TCFL5: variants seen among roughly 807,000 people sequenced by gnomAD.
The protein encoded by TCFL5 is transcription factor-like 5 protein.
TCFL5 carries 9 observed loss-of-function variants against 44.3 expected under a neutral mutation model. The ratio of observed to expected loss-of-function variants is 0.20; its 90% CI spans 0.12 to 0.35. The LOEUF (loss-of-function observed/expected upper bound fraction) is 0.35. Among genes scored for constraint, TCFL5 ranks in the 10% least tolerant of loss-of-function variants. The pLI is 1.00. For synonymous variants in TCFL5, 319 were observed against 271.6 expected (o/e 1.17, Z -1.72); for missense variants, 603 against 613.4 (o/e 0.98, Z 0.18).
At chr20:62,854,921 G>GA (rs1460664368) in intron 4 of TCFL5, among the ~76,000 whole-genome samples, 3 of 152,166 alleles carry the variant, frequency 2.0e-5, no homozygotes, top group Non-Finnish European at 4.4e-5. Context: ...GACATTGAGC[G>GA]AAACACTCTT....
chr20:62,853,955 G>T, intron 5 of TCFL5, 61 bp downstream of exon 5: 1 of 1,572,710 alleles, frequency 6.4e-7, no homozygotes, highest in Non-Finnish European at 8.7e-7. Context: ...TTAGGAAAAA[G>T]GAGGGACATT....
intron 5 of TCFL5, chr20:62,845,987 G>A (rs1466023849): frequency 1.4e-6 from 2 of 1,413,492 alleles, no homozygotes; most frequent in Non-Finnish European, 1.9e-6. Flanking sequence ...AAAGCTCCTG[G>A]CTTCGTGGAG....
chr20:62,858,465 T>C (rs1485021377), intron 3 of TCFL5, among the ~76,000 whole-genome samples: 3 of 152,242 alleles, frequency 2.0e-5, no homozygotes, highest in Non-Finnish European at 4.4e-5. Flanking sequence ...AATGTGAACA[T>C]ATACTTTGGC....
rs746287595 is a variant in TCFL5, at chr20:62,859,355, A to C, written c.994+9T>G. On this transcript the variant is annotated intron_variant, in intron 3 of 5. Transcript: ENST00000335351. ...GAAAGCTCCCACTACCTGCTGCTTC[A>C]TCGCTTACCTCCCACTTTAATCCAA... is the stretch of plus-strand genomic sequence containing the variant. The C allele has an allele frequency of 6.9e-6, 11 of 1,600,090 alleles. No individual in the cohort carries two copies. Among genetic ancestry groups the C allele is most frequent in the Non-Finnish European group, 9.4e-6 (11 of 1,170,628 alleles).
intron 3 of TCFL5, among the ~76,000 whole-genome samples, chr20:62,858,908 T>G (rs1436734432): frequency 2.0e-5 from 3 of 152,108 alleles, no homozygotes; most frequent in African/African-American, 2.4e-5. Context: ...CAGCAGTGAC[T>G]TTATTTCCAA....
chr20:62,849,461 TG>T lies in TCFL5; in HGVS notation c.1380+4554del, dbSNP rs940339020. ...GCCTCAATGCCATAGTTAATAACTG[TG>T]GGGGGGATTCTTGTAGCTCAAAGAG... On this transcript the variant is annotated intron_variant, in intron 5 of 5. Coordinates refer to ENST00000335351, the MANE Select transcript of TCFL5 (RefSeq NM_006602.4). Among the ~76,000 whole-genome samples, 12 of 152,110 alleles carry T rather than the reference TG, an allele frequency of 7.9e-5. No homozygotes were observed. In the East Asian group the frequency reaches 1.4e-3, roughly 17 times the overall value.
intron 5 of TCFL5, chr20:62,844,730 G>A (rs1205341025): frequency 3.8e-6 from 1 of 262,264 alleles, no homozygotes; most frequent in African/African-American, 2.3e-5. Context: ...TGAATAGCTG[G>A]GATTACAGGC....
intron 5 of TCFL5, among the ~76,000 whole-genome samples, chr20:62,851,114 C>T (rs6062709): frequency 0.13 from 19,774 of 152,196 alleles, 1,766 homozygotes; most frequent in Non-Finnish European, 0.19. Flanking sequence ...TCATGTATTA[C>T]GTCTTCAAGG....
chr20:62,855,697 C>T (rs989613609), intron 4 of TCFL5, among the ~76,000 whole-genome samples: 2 of 151,842 alleles, frequency 1.3e-5, no homozygotes, highest in African/African-American at 2.4e-5. Flanking sequence ...ACCTGGGAGG[C>T]GAAGGTTGCG....
chr20:62,860,872 G>A (rs1349774864), intron 1 of TCFL5, 152 bp downstream of exon 1: 10 of 553,964 alleles, frequency 1.8e-5, no homozygotes, highest in Non-Finnish European at 2.3e-5. Flanking sequence ...CTTTCGGGGC[G>A]GCCCCAGACC....
chr20:62,856,533 T>C (rs903371019), intron 4 of TCFL5, among the ~76,000 whole-genome samples: 3 of 150,368 alleles, frequency 2.0e-5, no homozygotes, highest in Non-Finnish European at 4.4e-5. Context: ...TGAAACCCCG[T>C]CTCTACTAAA....
chr20:62,861,638 C>T lies in TCFL5; in HGVS notation c.33G>A (p.Pro11=), dbSNP rs1024583449. The T allele has an allele frequency of 2.4e-4, 238 of 979,358 alleles. 1 individual carries two copies. In the African/African-American group the frequency reaches 3.4e-3, roughly 14 times the overall value. 60.7% of individuals were successfully genotyped at this position (979,358 alleles called of 1,614,324 possible). The part of the protein sequence containing the change: MSGPGPREPP[P]EAGAAGGEAA... ...CCTCGCCGCCTGCCGCGCCTGCCTC[C>T]GGCGGCGGCTCCCGCGGTCCGGGGC... Residue 11 remains proline (P), a synonymous_variant, in exon 1 of 6, where the codon CCG becomes CCA. Transcript: ENST00000335351. This position sits in a 1 kb window ranked among gnomAD's most constrained non-coding sequence, Gnocchi z 4.0.
intron 5 of TCFL5, among the ~76,000 whole-genome samples, chr20:62,844,154 C>A (rs776250899): frequency 6.6e-6 from 1 of 152,218 alleles, no homozygotes; most frequent in Non-Finnish European, 1.5e-5. Flanking sequence ...ATACTGTCTT[C>A]CACAGTGGCT....
At chr20:62,855,888 G>C (rs2063880836) in intron 4 of TCFL5, among the ~76,000 whole-genome samples, 1 of 151,998 alleles carries the variant, frequency 6.6e-6, no homozygotes, top group Non-Finnish European at 1.5e-5. Flanking sequence ...AGCAGAAACT[G>C]GTACACAGTA....
At chr20:62,850,896 G>A (rs1467552536) in intron 5 of TCFL5, among the ~76,000 whole-genome samples, 1 of 152,074 alleles carries the variant, frequency 6.6e-6, no homozygotes, top group East Asian at 1.9e-4. Flanking sequence ...CAGCCCCCGA[G>A]TCCGGCTGGC....
chr20:62,858,100 T>C (rs1430536363), intron 3 of TCFL5, among the ~76,000 whole-genome samples: 1 of 152,180 alleles, frequency 6.6e-6, no homozygotes, highest in Admixed American at 6.5e-5. Context: ...TATTCTAATA[T>C]GACAGTATTT....
At chr20:62,854,730 AT>A (rs1288953205) in intron 4 of TCFL5, among the ~76,000 whole-genome samples, 5 of 152,202 alleles carry the variant, frequency 3.3e-5, no homozygotes, top group African/African-American at 4.8e-5. Flanking sequence ...TTATTAGACT[AT>A]TTTTTAAACT....
Position 62,842,796 on chromosome 20 carries a change from TAAC to T in TCFL5, c.1381-702_1381-700del, listed in dbSNP as rs1417930644. On this transcript the variant is annotated intron_variant, in intron 5 of 5. Coordinates refer to ENST00000335351, the MANE Select transcript of TCFL5 (RefSeq NM_006602.4). This position sits in a 1 kb window ranked among gnomAD's most constrained non-coding sequence, Gnocchi z 4.3. ...TAAATTTTTAAAAAGTTTCAACAAT[TAAC>T]AAGTCAGGGGCATCTACCCCCACCC... Among the ~76,000 whole-genome samples, 3 of 152,106 alleles carry T rather than the reference TAAC, an allele frequency of 2.0e-5. No individual in the cohort carries two copies. Among genetic ancestry groups the T allele is most frequent in the Admixed American group, 6.5e-5 (1 of 15,278 alleles).
chr20:62,851,813 A>G lies in TCFL5; in HGVS notation c.1380+2203T>C, dbSNP rs1012358132. The G allele has an allele frequency of 1.0e-5, 10 of 985,222 alleles. No homozygotes were observed. In the Middle Eastern group the frequency reaches 1.5e-3, roughly 153 times the overall value. 61.0% of individuals were successfully genotyped at this position (985,222 alleles called of 1,614,324 possible). A position where few individuals can be genotyped will look rare whatever the true frequency, so the allele number is the denominator to read the frequency against. On this transcript the variant is annotated intron_variant, in intron 5 of 5. Coordinates refer to ENST00000335351, the MANE Select transcript of TCFL5 (RefSeq NM_006602.4). ...TCTAGCCCCACCATGACGTAGACACAGGAGCCCTTCTTTTGAGATGGAGTC... is the reference window on the plus strand; with the variant it reads ...TCTAGCCCCACCATGACGTAGACACGGGAGCCCTTCTTTTGAGATGGAGTC...
Sources: allele counts gnomAD v4.1 joint callset (sites outside exome capture counted in the v4.1 genomes callset), GRCh38; gene constraint gnomAD v4.1.1; non-coding constraint Gnocchi (gnomAD v3.1); transcripts MANE v1.5; gene names NCBI Gene and HGNC (gene_info 2026-07-23, HGNC 2026-07-21).